ITSN2: variants seen among roughly 807,000 people sequenced by gnomAD.
The protein encoded by ITSN2 is intersectin 2.
In ITSN2, 156 loss-of-function variants were observed where a neutral mutation model predicts 243.7. The observed-to-expected ratio is 0.64, with a 90% CI of 0.56 to 0.73. The LOEUF (loss-of-function observed/expected upper bound fraction) is 0.73, where lower values mean the gene tolerates loss of function less well. ITSN2 is among the 30% of genes least tolerant of loss of function. The pLI is 0.00. For synonymous variants in ITSN2, 703 were observed against 699.9 expected, an observed-to-expected ratio of 1.00 and a Z score of -0.07; for missense variants, 1,801 against 1,996.1, an observed-to-expected ratio of 0.90 and a Z score of 1.86.
intron 2 of ITSN2, among the ~76,000 whole-genome samples, chr2:24,316,692 G>C (rs1017038610): frequency 6.6e-6 from 1 of 152,212 alleles, no homozygotes; most frequent in Admixed American, 6.5e-5. Context: ...GTTAACAACT[G>C]ACACAACCAT....
At chr2:24,265,223 T>A (rs544922624) in intron 20 of ITSN2, among the ~76,000 whole-genome samples, 2 of 152,372 alleles carry the variant, frequency 1.3e-5, no homozygotes, top group East Asian at 3.9e-4. Flanking sequence ...CAATACTGAA[T>A]CTTCCAATCC....
rs189554891 is a variant in ITSN2 at position 24,246,389 on chromosome 2, A to G, written c.3386-69T>C. The G allele has an allele frequency of 1.1e-5, 10 of 878,866 alleles. No homozygotes were observed. In the East Asian group the frequency reaches 2.7e-4, roughly 24 times the overall value. 54.4% of individuals were successfully genotyped at this position (878,866 alleles called of 1,614,324 possible). ...TTCCTGCAAGGGTCAATCATTTGTA[A>G]TCTCCCTAGGATTTAAATTATTTTA... On this transcript the variant is annotated intron_variant, in intron 28 of 39. Transcript: ENST00000355123.
intron 31 of ITSN2, among the ~76,000 whole-genome samples, chr2:24,217,067 G>A (rs1670030520): frequency 7.6e-6 from 1 of 132,142 alleles, no homozygotes; most frequent in African/African-American, 3.0e-5. Flanking sequence ...CTGGGTGAGA[G>A]AGCGAGACTC....
chr2:24,309,942 G>GA (rs1180929688), intron 7 of ITSN2, among the ~76,000 whole-genome samples: 2 of 152,108 alleles, frequency 1.3e-5, no homozygotes, highest in Non-Finnish European at 2.9e-5. Context: ...ATCTGCTCAA[G>GA]AAAGAAATTA....
At chr2:24,269,132 G>A (rs890359170) in intron 20 of ITSN2, among the ~76,000 whole-genome samples, 6 of 149,562 alleles carry the variant, frequency 4.0e-5, no homozygotes, top group African/African-American at 1.5e-4. Context: ...CAGTGTCCAT[G>A]TTTCTCAGGA....
At position 24,225,013 on chromosome 2, in the gene ITSN2, G is replaced by C. The variant is rs895932697; in HGVS notation, c.3578-3947C>G. Among the ~76,000 whole-genome samples, 5 of 152,064 alleles carry C rather than the reference G, an allele frequency of 3.3e-5. No homozygotes were observed. Among genetic ancestry groups the C allele is most frequent in the Non-Finnish European group, 5.9e-5 (4 of 68,002 alleles). On this transcript the variant is annotated intron_variant, in intron 29 of 39. Coordinates refer to ENST00000355123, the MANE Select transcript of ITSN2 (RefSeq NM_006277.3). This position sits in a 1 kb window ranked among gnomAD's most constrained non-coding sequence, Gnocchi z 4.2. ...AGATGCTCTTACCTCTGATGTCAGGGAAAAAATAAAGACACGAGGCCTCTC... is the reference window on the plus strand; with the variant it reads ...AGATGCTCTTACCTCTGATGTCAGGCAAAAAATAAAGACACGAGGCCTCTC...
Position 24,271,829 on chromosome 2 carries a change from C to T in ITSN2, c.2194G>A (p.Glu732Lys), listed in dbSNP as rs1305982400. 40 of 1,609,994 alleles carry T rather than the reference C, an allele frequency of 2.5e-5. No individual in the cohort carries two copies. The highest frequency in any genetic ancestry group is 3.4e-5 in the Non-Finnish European group (40 of 1,179,236). Residue 732 changes from glutamate (E) to lysine (K), a missense_variant, in exon 19 of 40, where the codon GAA becomes AAA. Coordinates refer to ENST00000355123, the MANE Select transcript of ITSN2 (RefSeq NM_006277.3). ...EKTQEKIQEE[E>K]RKAEEKQRKD... Reference sequence around the variant, plus strand: ...CGTTGTTTCTCCTCAGCTTTCCGTTCCTCTTCTTGAATTTTTTCTTGTGTT... The same window carrying T: ...CGTTGTTTCTCCTCAGCTTTCCGTTTCTCTTCTTGAATTTTTTCTTGTGTT...
intron 25 of ITSN2, among the ~76,000 whole-genome samples, chr2:24,250,131 C>G (rs985656892): frequency 3.0e-4 from 46 of 152,266 alleles, no homozygotes; most frequent in African/African-American, 1.1e-3. Flanking sequence ...TGTGACTAAA[C>G]AGAAGTGTGC....
chr2:24,253,670 CTT>C (rs769991073), intron 24 of ITSN2, among the ~76,000 whole-genome samples: 4 of 152,226 alleles, frequency 2.6e-5, no homozygotes, highest in Non-Finnish European at 4.4e-5. Context: ...ACTTTGGAAA[CTT>C]TTATTCATCC....
At chr2:24,212,011 G>A (rs1180765831) in intron 33 of ITSN2, among the ~76,000 whole-genome samples, 1 of 152,184 alleles carries the variant, frequency 6.6e-6, no homozygotes, top group Non-Finnish European at 1.5e-5. Flanking sequence ...TATTCCTGCT[G>A]CTTTTCTTTG....
In ITSN2 at chr2:24,300,119, C is replaced by G. The variant is rs1681532414; in HGVS notation, c.1134G>C (p.Leu378=). Residue 378 remains leucine, a synonymous_variant, in exon 12 of 40, where the codon CTG becomes CTC. Transcript: ENST00000355123. ...CCATCAAGGCTTGGCGTCGCTTTTC[C>G]AGCTCCATGTTCCCTCGCTCATAGT... The part of the protein sequence containing the change: ...KANYERGNME[L]EKRRQALMEQ... 4.3e-6 allele frequency: 7 copies of G among 1,614,144 alleles called. No homozygotes were observed. The highest frequency in any genetic ancestry group is 1.6e-4 in the Middle Eastern group (1 of 6,062).
chr2:24,254,388 C>T lies in ITSN2; in HGVS notation c.2932G>A (p.Ala978Thr). Reference protein sequence around the residue: ...YAAVNKKPTSAAYSVGEEYIA... With the variant: ...YAAVNKKPTSTAYSVGEEYIA... ...TTACCTTCTCCAACTGAATAGGCTG[C>T]CGAGGTAGGTTTCTTATTTACAGCT... Residue 978 changes from alanine to threonine, a missense_variant, in exon 24 of 40, where the codon GCA becomes ACA. Transcript: ENST00000355123. 6.2e-7 allele frequency: 1 copy of T among 1,612,418 alleles called. No homozygotes were observed. The highest frequency in any genetic ancestry group is 8.5e-7 in the Non-Finnish European group (1 of 1,178,848).
chr2:24,301,929 T>C, intron 10 of ITSN2, 36 bp downstream of exon 10: 2 of 1,567,508 alleles, frequency 1.3e-6, no homozygotes, highest in East Asian at 4.7e-5. Context: ...TGCCAAGTTA[T>C]CAAAACCATA....
intron 28 of ITSN2, 44 bp from the exon 29 acceptor site, chr2:24,246,364 T>G: frequency 1.7e-6 from 2 of 1,174,204 alleles, no homozygotes; most frequent in South Asian, 1.4e-5. Flanking sequence ...AAATTAATTA[T>G]TCCTGCAAGG....
intron 29 of ITSN2, among the ~76,000 whole-genome samples, chr2:24,243,415 G>A (rs1672970698): frequency 6.6e-6 from 1 of 152,126 alleles, no homozygotes; most frequent in East Asian, 1.9e-4. Flanking sequence ...GAAACACATA[G>A]GAGCTATAAA....
chr2:24,251,748 T>TA (rs1674328365), intron 25 of ITSN2, among the ~76,000 whole-genome samples: 1 of 151,420 alleles, frequency 6.6e-6, no homozygotes, highest in African/African-American at 2.4e-5. Context: ...TGTTACCATG[T>TA]AATGGATTTA....
chr2:24,288,502 G>A (rs1336495056), intron 15 of ITSN2, among the ~76,000 whole-genome samples: 1 of 152,026 alleles, frequency 6.6e-6, no homozygotes, highest in Non-Finnish European at 1.5e-5. Flanking sequence ...TAATGTGTAT[G>A]TTAATTAGCT....
intron 22 of ITSN2, among the ~76,000 whole-genome samples, chr2:24,259,810 T>A (rs1675569370): frequency 6.6e-6 from 1 of 152,202 alleles, no homozygotes; most frequent in South Asian, 2.1e-4. Context: ...CTTCTATATA[T>A]ACCCCCTACA....
rs1315983719 is a variant in ITSN2 at position 24,210,635 on chromosome 2, GA to G, written c.4257+144del. ...GTCTCAAAAAAAAAAAAAAAAAAAA[GA>G]AAAAAAAATGCCTTTGCAGGGGCAG... On this transcript the variant is annotated intron_variant, in intron 34 of 39. Transcript: ENST00000355123. 2.7e-3 allele frequency: 903 copies of G among 337,238 alleles called. 5 individuals carry two copies. Among genetic ancestry groups the G allele is most frequent in the African/African-American group, 0.016 (685 of 43,206 alleles). The allele number at this position is 337,238 out of a possible 1,614,324, so 20.9% of individuals were successfully genotyped here.
Sources: gnomAD v4.1 joint callset for allele counts (sites outside exome capture counted in the v4.1 genomes callset) on GRCh38, gnomAD v4.1.1 for gene constraint, Gnocchi (gnomAD v3.1) non-coding constraint, MANE v1.5 for transcripts, NCBI Gene and HGNC (gene_info 2026-07-23, HGNC 2026-07-21) for gene names.